UEVLD: variants seen among roughly 807,000 people sequenced by gnomAD.
UEVLD encodes the protein UEV and lactate/malate dehyrogenase domains.
In UEVLD, 47 loss-of-function variants were observed where a neutral mutation model predicts 58.6. The observed-to-expected ratio is 0.80, with a 90% CI of 0.63 to 1.02. The LOEUF (loss-of-function observed/expected upper bound fraction) is 1.02, where lower values mean the gene tolerates loss of function less well. Among genes scored for constraint, UEVLD ranks in the 50% least tolerant of loss-of-function variants. The pLI, the probability that UEVLD is intolerant of heterozygous loss-of-function variation, is 0.00. For missense variants in UEVLD, 510 were observed against 550.6 expected, an observed-to-expected ratio of 0.93 and a Z score of 0.74; for synonymous variants, 197 against 195.3, an observed-to-expected ratio of 1.01 and a Z score of -0.07.
chr11:18,570,821 G>A (rs1404544818), intron 3 of UEVLD: 1 of 149,478 alleles, frequency 6.7e-6, no homozygotes, highest in African/African-American at 2.5e-5. Context: ...TGTTAATCAA[G>A]GCCTATTCCC....
At chr11:18,585,431 T>C (rs1489230184) in intron 1 of UEVLD, among the ~76,000 whole-genome samples, 1 of 152,188 alleles carries the variant, frequency 6.6e-6, no homozygotes, top group African/African-American at 2.4e-5. Context: ...CACTTGTCTC[T>C]CCATTCTCCT....
At chr11:18,575,324 A>AT (rs762596939) in intron 3 of UEVLD, 23 bp downstream of exon 3, 34 of 1,581,810 alleles carry the variant, frequency 2.1e-5, no homozygotes, top group Non-Finnish European at 2.6e-6. Context: ...AAACTCACAC[A>AT]TTTTTTCAAC....
chr11:18,546,096 G>C (rs1048755961), intron 8 of UEVLD, among the ~76,000 whole-genome samples: 1 of 152,072 alleles, frequency 6.6e-6, no homozygotes, highest in Non-Finnish European at 1.5e-5. Flanking sequence ...AAAAAAATCT[G>C]TTCACCAATT....
intron 3 of UEVLD, among the ~76,000 whole-genome samples, chr11:18,573,038 A>G (rs1490887537): frequency 6.6e-6 from 1 of 152,214 alleles, no homozygotes; most frequent in Admixed American, 6.5e-5. Context: ...CTGAGTTGAT[A>G]TAATTCCAAA....
chr11:18,588,612 C>T lies in UEVLD; in HGVS notation c.42+1G>A, dbSNP rs929956673. On this transcript the variant is annotated splice_donor_variant, in intron 1 of 11. Coordinates refer to ENST00000396197, the MANE Select transcript of UEVLD (RefSeq NM_001040697.4). LOFTEE classifies it high-confidence loss of function. ...AAACTGGCCCAGCGGACTGCCCGCA[C>T]CTTGCCAAGCAGCCGTCTCAGGCCC... 1.2e-6 allele frequency: 2 copies of T among 1,610,302 alleles called. No homozygotes were observed. The highest frequency in any genetic ancestry group is 1.1e-5 in the South Asian group (1 of 91,062).
At chr11:18,586,480 G>A (rs927114700) in intron 1 of UEVLD, among the ~76,000 whole-genome samples, 1 of 152,112 alleles carries the variant, frequency 6.6e-6, no homozygotes, top group African/African-American at 2.4e-5. Context: ...GTCTCCCAAA[G>A]TGCTGGAATT....
At chr11:18,535,804 T>C (rs559864422) in intron 10 of UEVLD, among the ~76,000 whole-genome samples, 21 of 152,314 alleles carry the variant, frequency 1.4e-4, no homozygotes, top group Middle Eastern at 3.4e-3. Flanking sequence ...TTAATAGATA[T>C]TCATTTTTAA....
At chr11:18,554,060 T>G (rs1276006609) in intron 7 of UEVLD, among the ~76,000 whole-genome samples, 1 of 152,190 alleles carries the variant, frequency 6.6e-6, no homozygotes, top group Non-Finnish European at 1.5e-5. Context: ...ATCAATTCCC[T>G]CGGTCTGACT....
In UEVLD at chr11:18,570,388, C is replaced by A; in HGVS notation, c.194-11G>T. 1 of 1,506,832 alleles carries A rather than the reference C, an allele frequency of 6.6e-7. No individual in the cohort carries two copies. 93.3% of individuals were successfully genotyped at this position (1,506,832 alleles called of 1,614,324 possible). ...TGTTATATGTATTACCTATTTGAGA[C>A]AAAAGAAACATATCTTCAAACAATA... is the stretch of plus-strand genomic sequence containing the variant. On this transcript the variant is annotated splice_polypyrimidine_tract_variant and intron_variant, in intron 3 of 11. Transcript: ENST00000396197.
intron 2 of UEVLD, among the ~76,000 whole-genome samples, chr11:18,576,991 T>A (rs989678973): frequency 2.4e-4 from 36 of 152,174 alleles, no homozygotes; most frequent in African/African-American, 8.7e-4. Context: ...AAGACCAGCC[T>A]GGCCAACATG....
At chr11:18,538,189 T>A (rs1027342109) in intron 9 of UEVLD, among the ~76,000 whole-genome samples, 9 of 152,188 alleles carry the variant, frequency 5.9e-5, no homozygotes, top group Non-Finnish European at 1.0e-4. Flanking sequence ...GGACCCCATA[T>A]GTATCCAGAT....
At chr11:18,578,636 AAG>A in intron 2 of UEVLD, 86 bp downstream of exon 2, 1 of 899,222 alleles carries the variant, frequency 1.1e-6, no homozygotes. Context: ...AAAAGAGAAA[AAG>A]AGAAATTACA....
chr11:18,579,468 T>C (rs1853118559), intron 1 of UEVLD: 1 of 985,386 alleles, frequency 1.0e-6, no homozygotes, highest in Non-Finnish European at 1.2e-6. Flanking sequence ...GGATCACCCC[T>C]CTCACCACTA....
intron 7 of UEVLD, among the ~76,000 whole-genome samples, chr11:18,556,046 CT>C (rs1851743237): frequency 6.6e-6 from 1 of 152,192 alleles, no homozygotes. Flanking sequence ...CAGATAATTA[CT>C]GACTCCCTAC....
rs1196818601 is a variant in UEVLD, at chr11:18,529,906, TAC to T, written c.*2412_*2413del. Reference sequence around the variant, plus strand: ...ACTTAACACTCAAGGAAATATCTGATACAGAGAATTACTTCTACATTGTGGCC... The same window carrying T: ...ACTTAACACTCAAGGAAATATCTGATAGAGAATTACTTCTACATTGTGGCC... On this transcript the variant is annotated 3_prime_UTR_variant, in exon 12 of 12. Coordinates refer to ENST00000396197, the MANE Select transcript of UEVLD (RefSeq NM_001040697.4). 3 of 152,208 alleles carry T rather than the reference TAC, an allele frequency of 2.0e-5. No individual in the cohort carries two copies. The highest frequency in any genetic ancestry group is 7.2e-5 in the African/African-American group (3 of 41,460). The allele number at this position is 152,208 out of a possible 1,614,324, so 9.4% of individuals were successfully genotyped here.
intron 4 of UEVLD, among the ~76,000 whole-genome samples, chr11:18,567,975 T>C (rs1221007882): frequency 2.6e-5 from 4 of 152,082 alleles, no homozygotes; most frequent in African/African-American, 9.7e-5. Flanking sequence ...GGAGATCCTG[T>C]CTGTACAAAA....
At chr11:18,562,791 T>G (rs900234564) in intron 6 of UEVLD, among the ~76,000 whole-genome samples, 6 of 151,448 alleles carry the variant, frequency 4.0e-5, no homozygotes, top group African/African-American at 1.5e-4. Context: ...CTCATGCCTG[T>G]AATCCCAGCA....
chr11:18,546,580 C>T (rs1416340420), intron 8 of UEVLD, among the ~76,000 whole-genome samples: 1 of 151,678 alleles, frequency 6.6e-6, no homozygotes, highest in East Asian at 1.9e-4. Context: ...CTCACTGCAA[C>T]CACCATCTCC....
Position 18,532,142 on chromosome 11 carries a change from C to A in UEVLD, c.*178G>T. 1 of 482,506 alleles carries A rather than the reference C, an allele frequency of 2.1e-6. No individual in the cohort carries two copies. The highest frequency in any genetic ancestry group is 3.4e-6 in the Non-Finnish European group (1 of 291,090). The allele number at this position is 482,506 out of a possible 1,614,324, so 29.9% of individuals were successfully genotyped here. The stretch of plus-strand genomic sequence containing the variant: ...CCCAAATAAAATTAATTTTTCCCCT[C>A]CTTGTATAACTCCTTAAGGATTTAC... On this transcript the variant is annotated 3_prime_UTR_variant, in exon 12 of 12. Transcript: ENST00000396197.
Sources: allele counts gnomAD v4.1 joint callset (sites outside exome capture counted in the v4.1 genomes callset), GRCh38; gene constraint gnomAD v4.1.1; transcripts MANE v1.5; gene names NCBI Gene and HGNC (gene_info 2026-07-23, HGNC 2026-07-21).